AKAP6: variants seen among roughly 807,000 people sequenced by gnomAD.
AKAP6 encodes the protein A-kinase anchor protein 6.
In AKAP6, 58 loss-of-function variants were observed where a neutral mutation model predicts 188.5. The observed-to-expected ratio is 0.31, with a 90% CI of 0.25 to 0.38. The LOEUF (loss-of-function observed/expected upper bound fraction) is 0.38. Ranked by LOEUF, AKAP6 falls within the 10% of genes least tolerant of loss-of-function variation. The probability of loss-of-function intolerance (pLI) is 1.00; values close to 1 mark genes in which losing one functional copy is unlikely to be tolerated. For synonymous variants in AKAP6, 989 were observed against 998.6 expected (o/e 0.99, Z 0.18); for missense variants, 2,710 against 2,740.0 (o/e 0.99, Z 0.24).
At chr14:32,549,352 G>A (rs1195030150) in intron 4 of AKAP6, among the ~76,000 whole-genome samples, 4 of 152,198 alleles carry the variant, frequency 2.6e-5, no homozygotes, top group South Asian at 4.1e-4. Flanking sequence ...CTTAAGTGGA[G>A]CTTTGAAGGA....
Position 32,835,577 on chromosome 14 carries a change from CA to C in AKAP6, c.*5773del, listed in dbSNP as rs1243573819. 6.6e-6 allele frequency: 1 copy of C among 152,150 alleles called. No homozygotes were observed. The highest frequency in any genetic ancestry group is 1.5e-5 in the Non-Finnish European group (1 of 68,028). 9.4% of individuals were successfully genotyped at this position (152,150 alleles called of 1,614,324 possible). On this transcript the variant is annotated 3_prime_UTR_variant, in exon 14 of 14. Coordinates refer to ENST00000280979, the MANE Select transcript of AKAP6 (RefSeq NM_004274.5). ...AATTAAATTCAGGCCATTTCACAGTCAGTTTTTTTCAAATTCATTTTTCAAC... is the reference window on the plus strand; with the variant it reads ...AATTAAATTCAGGCCATTTCACAGTCGTTTTTTTCAAATTCATTTTTCAAC...
intron 1 of AKAP6, among the ~76,000 whole-genome samples, chr14:32,354,541 C>T (rs1256772956): frequency 2.0e-5 from 3 of 152,210 alleles, no homozygotes; most frequent in Non-Finnish European, 4.4e-5. Context: ...TATGCAAATT[C>T]AACCCATCTT....
chr14:32,830,178 A>T lies in AKAP6; in HGVS notation c.*373A>T. On this transcript the variant is annotated 3_prime_UTR_variant, in exon 14 of 14. Coordinates refer to ENST00000280979, the MANE Select transcript of AKAP6 (RefSeq NM_004274.5). ...AAAGTTCTGCAGTTCACCAACTGGTAGTCCATTAAATTCTCCTGTCTAGAA... is the reference window on the plus strand; with the variant it reads ...AAAGTTCTGCAGTTCACCAACTGGTTGTCCATTAAATTCTCCTGTCTAGAA... 1.9e-6 allele frequency: 1 copy of T among 521,242 alleles called. No homozygotes were observed. The highest frequency in any genetic ancestry group is 3.7e-5 in the Admixed American group (1 of 27,176). The allele number at this position is 521,242 out of a possible 1,614,324, so 32.3% of individuals were successfully genotyped here.
At chr14:32,764,933 C>CTTT (rs571680392) in intron 11 of AKAP6, among the ~76,000 whole-genome samples, 6 of 124,682 alleles carry the variant, frequency 4.8e-5, no homozygotes, top group Admixed American at 1.6e-4. Context: ...TCAAGTGAAT[C>CTTT]TTTTTTTTTT....
intron 1 of AKAP6, among the ~76,000 whole-genome samples, chr14:32,428,101 T>C (rs919554467): frequency 1.3e-5 from 2 of 152,198 alleles, no homozygotes; most frequent in Admixed American, 6.5e-5. Context: ...TTGGCTGAAG[T>C]TGGCTTTGTC....
intron 1 of AKAP6, among the ~76,000 whole-genome samples, chr14:32,368,587 G>A (rs942354520): frequency 1.3e-5 from 2 of 152,020 alleles, no homozygotes; most frequent in African/African-American, 2.4e-5. Flanking sequence ...GGGGGAAGGA[G>A]GAACAGGTAC....
intron 2 of AKAP6, among the ~76,000 whole-genome samples, chr14:32,449,536 A>AAAAAAG (rs1566508892): frequency 1.3e-5 from 2 of 151,394 alleles, no homozygotes; most frequent in Non-Finnish European, 2.9e-5. Flanking sequence ...AAAAAAAAAA[A>AAAAAAG]AAAAAGAAAA....
chr14:32,749,369 C>T (rs1265012072), intron 11 of AKAP6, among the ~76,000 whole-genome samples: 2 of 152,100 alleles, frequency 1.3e-5, no homozygotes, highest in Non-Finnish European at 2.9e-5. Context: ...CAGCCAATAG[C>T]CAATTCTGTA....
At chr14:32,687,850 A>G (rs1275523539) in intron 8 of AKAP6, among the ~76,000 whole-genome samples, 1 of 152,116 alleles carries the variant, frequency 6.6e-6, no homozygotes, top group Non-Finnish European at 1.5e-5. Flanking sequence ...TCTGACCACT[A>G]TGTAAGTATT....
intron 11 of AKAP6, among the ~76,000 whole-genome samples, chr14:32,772,244 A>G (rs1423260797): frequency 1.3e-5 from 2 of 152,168 alleles, no homozygotes; most frequent in Admixed American, 1.3e-4. Context: ...GCACTGAACC[A>G]ATTAATAGCA....
At chr14:32,635,554 T>C (rs1887448214) in intron 7 of AKAP6, among the ~76,000 whole-genome samples, 1 of 152,082 alleles carries the variant, frequency 6.6e-6, no homozygotes, top group Non-Finnish European at 1.5e-5. Flanking sequence ...TAGGAAGCTG[T>C]CCTAGAGCTG....
chr14:32,518,136 T>C (rs1881619663), intron 2 of AKAP6, among the ~76,000 whole-genome samples: 1 of 152,192 alleles, frequency 6.6e-6, no homozygotes, highest in Non-Finnish European at 1.5e-5. Flanking sequence ...GGGTCCTGAC[T>C]GTTAGAAGGA....
chr14:32,548,155 G>A (rs1368358191), intron 4 of AKAP6, among the ~76,000 whole-genome samples: 2 of 148,456 alleles, frequency 1.3e-5, no homozygotes. Flanking sequence ...AGGCTGGAGT[G>A]GAATGGCACC....
intron 11 of AKAP6, among the ~76,000 whole-genome samples, chr14:32,762,097 A>G (rs1301938049): frequency 6.6e-6 from 1 of 152,176 alleles, no homozygotes; most frequent in East Asian, 1.9e-4. Flanking sequence ...TTGTAGTATA[A>G]TGGCTAAGTC....
At chr14:32,579,711 G>A (rs1307518104) in intron 5 of AKAP6, among the ~76,000 whole-genome samples, 1 of 151,944 alleles carries the variant, frequency 6.6e-6, no homozygotes, top group Non-Finnish European at 1.5e-5. Context: ...TTGTCCTCCT[G>A]ATCAATATTG....
At chr14:32,661,855 T>G (rs7160121) in intron 7 of AKAP6, among the ~76,000 whole-genome samples, 2,306 of 152,236 alleles carry the variant, frequency 0.015, 64 homozygotes, top group African/African-American at 0.053. Flanking sequence ...GATCTACCTG[T>G]GCATAGCACA....
chr14:32,764,562 G>A (rs906496000), intron 11 of AKAP6, among the ~76,000 whole-genome samples: 8 of 152,154 alleles, frequency 5.3e-5, no homozygotes, highest in Non-Finnish European at 8.8e-5. Flanking sequence ...TTGTTTTTGT[G>A]AATCAGCTTT....
intron 12 of AKAP6, among the ~76,000 whole-genome samples, chr14:32,811,015 A>G (rs6571556): frequency 0.93 from 140,535 of 151,770 alleles, 65,112 homozygotes; most frequent in South Asian, 0.98. Flanking sequence ...TGAGGTGGGC[A>G]GATCACGAGG....
chr14:32,728,361 TC>T (rs771854423), intron 9 of AKAP6, among the ~76,000 whole-genome samples: 7,245 of 148,092 alleles, frequency 0.049, 494 homozygotes, highest in East Asian at 0.38. Context: ...TATCTATCTA[TC>T]TATCTATCTA....
Sources: allele counts gnomAD v4.1 joint callset (sites outside exome capture counted in the v4.1 genomes callset), GRCh38; gene constraint gnomAD v4.1.1; transcripts MANE v1.5; gene names NCBI Gene and HGNC (gene_info 2026-07-23, HGNC 2026-07-21).